The following CHCHD3 variants were observed in gnomAD, a reference collection of about 807,000 sequenced individuals.
CHCHD3 encodes coiled-coil-helix-coiled-coil-helix domain containing 3.
Under a neutral mutation model 38.2 loss-of-function variants are expected in CHCHD3, and 20 were observed. That is an observed-to-expected ratio of 0.52 (90% CI 0.37 to 0.76). The LOEUF (loss-of-function observed/expected upper bound fraction) is 0.76. Ranked by LOEUF, CHCHD3 falls within the 30% of genes least tolerant of loss-of-function variation. The probability of loss-of-function intolerance (pLI) is 0.00; values close to 1 mark genes in which losing one functional copy is unlikely to be tolerated. For missense variants in CHCHD3, 245 were observed against 279.2 expected (o/e 0.88, Z 0.87); for synonymous variants, 82 against 100.0 (o/e 0.82, Z 1.07).
chr7:132,900,795 G>A (rs976219180), intron 4 of CHCHD3, among the ~76,000 whole-genome samples: 5 of 151,996 alleles, frequency 3.3e-5, no homozygotes, highest in Admixed American at 1.3e-4. Context: ...GTTCAAGACC[G>A]GCCTGACCAA....
intron 4 of CHCHD3, among the ~76,000 whole-genome samples, chr7:132,940,329 A>G (rs1810733679): frequency 6.6e-6 from 1 of 152,222 alleles, no homozygotes; most frequent in Non-Finnish European, 1.5e-5. Flanking sequence ...GATTTTAGGT[A>G]TAACTCAATT....
chr7:133,080,535 G>A lies in CHCHD3; in HGVS notation c.81+1322C>T, dbSNP rs144507820. The stretch of plus-strand genomic sequence containing the variant: ...TTAATTATTTTTCACTCTGAGTTGC[G>A]TACTGAAAGCCTAATGGCAAGAGTC... On this transcript the variant is annotated intron_variant, in intron 1 of 7. Coordinates refer to ENST00000262570, the MANE Select transcript of CHCHD3 (RefSeq NM_017812.4). 9.6e-4 allele frequency among the ~76,000 whole-genome samples: 146 copies of A among 152,230 alleles called. 1 individual carries two copies. Among genetic ancestry groups the A allele is most frequent in the East Asian group, 8.9e-3 (46 of 5,186 alleles).
chr7:132,887,366 T>C (rs1310788096), intron 4 of CHCHD3, among the ~76,000 whole-genome samples: 1 of 151,618 alleles, frequency 6.6e-6, no homozygotes, highest in East Asian at 1.9e-4. Flanking sequence ...GAATTTCAAA[T>C]CTAATATACA....
intron 2 of CHCHD3, among the ~76,000 whole-genome samples, chr7:133,043,095 T>A (rs1237582110): frequency 2.0e-5 from 3 of 152,114 alleles, no homozygotes; most frequent in Non-Finnish European, 2.9e-5. Flanking sequence ...CTCAAACTTC[T>A]GAGCTCAAGC....
chr7:133,079,328 A>G (rs1276748001), intron 1 of CHCHD3, among the ~76,000 whole-genome samples: 1 of 152,230 alleles, frequency 6.6e-6, no homozygotes, highest in African/African-American at 2.4e-5. Context: ...TTGTCCAGAA[A>G]TACTAAATAC....
intron 5 of CHCHD3, among the ~76,000 whole-genome samples, chr7:132,884,617 T>G (rs895486764): frequency 2.6e-5 from 4 of 152,188 alleles, no homozygotes; most frequent in Non-Finnish European, 5.9e-5. Context: ...TTTTCCTATT[T>G]TCTTATCAAA....
intron 4 of CHCHD3, among the ~76,000 whole-genome samples, chr7:132,967,325 T>TGA (rs1176566134): frequency 1.3e-5 from 2 of 152,166 alleles, no homozygotes; most frequent in African/African-American, 4.8e-5. Flanking sequence ...CCACACAGTC[T>TGA]GACACAGTTC....
chr7:132,950,247 T>C (rs1445517532), intron 4 of CHCHD3, among the ~76,000 whole-genome samples: 2 of 152,152 alleles, frequency 1.3e-5, no homozygotes, highest in Non-Finnish European at 2.9e-5. Flanking sequence ...ATCGACTACA[T>C]GCTAAACCTC....
At chr7:132,917,682 C>A (rs972296847) in intron 4 of CHCHD3, among the ~76,000 whole-genome samples, 7 of 151,778 alleles carry the variant, frequency 4.6e-5, no homozygotes, top group African/African-American at 1.2e-4. Flanking sequence ...CACGGTGAAA[C>A]CCCCGTCTCT....
chr7:132,921,380 T>C (rs186209036), intron 4 of CHCHD3, among the ~76,000 whole-genome samples: 122 of 152,270 alleles, frequency 8.0e-4, no homozygotes, highest in African/African-American at 2.6e-3. Flanking sequence ...GGAAATGTAA[T>C]AAAAGCAAGA....
chr7:133,000,476 G>A (rs548861629), intron 3 of CHCHD3, among the ~76,000 whole-genome samples: 4 of 152,146 alleles, frequency 2.6e-5, no homozygotes, highest in Admixed American at 6.5e-5. Context: ...AAGGGAAGAA[G>A]AGAATACCAG....
intron 2 of CHCHD3, among the ~76,000 whole-genome samples, chr7:133,050,736 G>A (rs1814139446): frequency 6.6e-6 from 1 of 152,120 alleles, no homozygotes; most frequent in African/African-American, 2.4e-5. Flanking sequence ...AATATGCCAG[G>A]CGCAGTGGCT....
At chr7:132,815,452 C>T (rs550915297) in intron 6 of CHCHD3, 6 of 391,070 alleles carry the variant, frequency 1.5e-5, no homozygotes, top group South Asian at 1.1e-4. Context: ...GGACATTTTA[C>T]CAGTTGTTCT....
chr7:132,817,828 G>T (rs1807238826), intron 6 of CHCHD3, among the ~76,000 whole-genome samples: 1 of 151,728 alleles, frequency 6.6e-6, no homozygotes, highest in Non-Finnish European at 1.5e-5. Flanking sequence ...GGAGGTCAAG[G>T]CTGCAGTGAG....
At chr7:132,957,802 A>C (rs1403997326) in intron 4 of CHCHD3, among the ~76,000 whole-genome samples, 1 of 152,040 alleles carries the variant, frequency 6.6e-6, no homozygotes, top group African/African-American at 2.4e-5. Flanking sequence ...TCTTCAATAA[A>C]CTTTTGAAAA....
intron 7 of CHCHD3, among the ~76,000 whole-genome samples, chr7:132,795,385 C>A (rs2117027434): frequency 6.6e-6 from 1 of 152,264 alleles, no homozygotes; most frequent in South Asian, 2.1e-4. Context: ...CCCTGGCATA[C>A]TACTAAGAGT....
At chr7:132,975,834 G>A (rs1811752650) in intron 3 of CHCHD3, among the ~76,000 whole-genome samples, 1 of 152,010 alleles carries the variant, frequency 6.6e-6, no homozygotes, top group African/African-American at 2.4e-5. Context: ...GGGAGGCTGA[G>A]GCAGGAGAAC....
chr7:132,887,841 G>A (rs943487426), intron 4 of CHCHD3, among the ~76,000 whole-genome samples: 7 of 151,786 alleles, frequency 4.6e-5, no homozygotes, highest in African/African-American at 9.7e-5. Context: ...TACACTGCTG[G>A]TCAGAATATA....
intron 4 of CHCHD3, among the ~76,000 whole-genome samples, chr7:132,913,637 T>C (rs540515678): frequency 1.3e-5 from 2 of 152,334 alleles, no homozygotes; most frequent in African/African-American, 4.8e-5. Context: ...CTACCGATTC[T>C]GAAGCCATGA....
Sources: allele counts gnomAD v4.1 joint callset (sites outside exome capture counted in the v4.1 genomes callset), GRCh38; gene constraint gnomAD v4.1.1; transcripts MANE v1.5; gene names NCBI Gene and HGNC (gene_info 2026-07-23, HGNC 2026-07-21).